The following MCM10 variants were observed in gnomAD, a reference collection of about 807,000 sequenced individuals.
MCM10 encodes protein MCM10 homolog.
A neutral mutation model predicts 109.9 loss-of-function variants in MCM10; 91 were observed. That is an observed-to-expected ratio of 0.83 (90% confidence interval 0.70 to 0.99). The LOEUF is 0.99. Ranked by LOEUF, MCM10 falls within the 50% of genes least tolerant of loss-of-function variation. The pLI is 0.00. For missense variants in MCM10, 1,077 were observed against 1,061.2 expected, an observed-to-expected ratio of 1.01 and a Z score of -0.21; for synonymous variants, 380 against 387.2, an observed-to-expected ratio of 0.98 and a Z score of 0.22.
chr10:13,184,564 T>G (rs1162448944), intron 8 of MCM10, among the ~76,000 whole-genome samples: 1 of 152,196 alleles, frequency 6.6e-6, no homozygotes, highest in Non-Finnish European at 1.5e-5. Flanking sequence ...TCAAGAGAAG[T>G]GAGAAAAATG....
In MCM10 at chr10:13,195,013, G is replaced by T. The variant is rs1430770797; in HGVS notation, c.1746-28G>T. The T allele has an allele frequency of 3.1e-6, 5 of 1,590,122 alleles. No homozygotes were observed. In the East Asian group the frequency reaches 1.1e-4, roughly 36 times the overall value. ...GTTTTTATTTTCGTAAACCCTGTTT[G>T]CGTATTTTGACTGTATGTTCTTTAA... On this transcript the variant is annotated intron_variant, in intron 13 of 19. Coordinates refer to ENST00000378714, the MANE Select transcript of MCM10 (RefSeq NM_018518.5).
chr10:13,175,740 A>G (rs530751100), intron 6 of MCM10, 59 bp downstream of exon 6: 15 of 1,225,456 alleles, frequency 1.2e-5, no homozygotes, highest in South Asian at 7.2e-5. Context: ...TGCCTCTCGG[A>G]GTCCTTTAGA....
intron 1 of MCM10, among the ~76,000 whole-genome samples, chr10:13,163,838 A>G (rs1564378181): frequency 6.6e-6 from 1 of 152,088 alleles, no homozygotes; most frequent in African/African-American, 2.4e-5. Context: ...AGCCAACCCC[A>G]ATAGTTCTTC....
Position 13,172,270 on chromosome 10 carries a change from A to G in MCM10, c.350-106A>G, listed in dbSNP as rs1834083952. The G allele has an allele frequency of 1.3e-6, 1 of 747,678 alleles. No individual in the cohort carries two copies. The highest frequency in any genetic ancestry group is 2.2e-5 in the Admixed American group (1 of 46,242). The allele number at this position is 747,678 out of a possible 1,614,324, so 46.3% of individuals were successfully genotyped here. ...GGTATGTGATTATATTGTGGGTCTC[A>G]AGGTATTGGGGCAGGGAGTGGACAA... On this transcript the variant is annotated intron_variant, in intron 3 of 19. Coordinates refer to ENST00000378714, the MANE Select transcript of MCM10 (RefSeq NM_018518.5). The surrounding 1 kb of genome is among the most constrained non-coding windows in gnomAD (Gnocchi z 5.2).
At chr10:13,202,778 C>T (rs1223028435) in intron 17 of MCM10, among the ~76,000 whole-genome samples, 1 of 152,148 alleles carries the variant, frequency 6.6e-6, no homozygotes, top group East Asian at 1.9e-4. Flanking sequence ...CTCCTGTTGC[C>T]ACCGTAACAA....
At chr10:13,201,612 G>A (rs2131587604) in intron 17 of MCM10, 78 bp downstream of exon 17, 2 of 1,059,522 alleles carry the variant, frequency 1.9e-6, no homozygotes, top group Admixed American at 2.0e-5. Context: ...TGGAGAACCT[G>A]TGGGATCTGG....
chr10:13,174,134 A>AT (rs139116646), intron 5 of MCM10, among the ~76,000 whole-genome samples: 6,335 of 75,186 alleles, frequency 0.084, 621 homozygotes, highest in Middle Eastern at 0.2. Context: ...CTAGTTTTGG[A>AT]TTTTTTTTTT....
rs1039462263 is a variant in MCM10, at chr10:13,185,095, C to T, written c.1099-1069C>T. Among the ~76,000 whole-genome samples, 5 of 152,234 alleles carry T rather than the reference C, an allele frequency of 3.3e-5. No homozygotes were observed. In the South Asian group the frequency reaches 6.2e-4, roughly 19 times the overall value. ...AAATTGGGCAAAGCACCTTAGGCAG[C>T]GAGACTCCACAGAAGCCTAGGATCT... is the stretch of plus-strand genomic sequence containing the variant. On this transcript the variant is annotated intron_variant, in intron 8 of 19. Coordinates refer to ENST00000378714, the MANE Select transcript of MCM10 (RefSeq NM_018518.5).
intron 2 of MCM10, among the ~76,000 whole-genome samples, chr10:13,169,601 A>G (rs937972415): frequency 1.3e-5 from 2 of 152,244 alleles, no homozygotes; most frequent in African/African-American, 4.8e-5. Context: ...AAAATTAGAA[A>G]TAGCCCATAT....
chr10:13,164,719 T>C (rs1023490251), intron 2 of MCM10, among the ~76,000 whole-genome samples: 1 of 152,162 alleles, frequency 6.6e-6, no homozygotes, highest in East Asian at 1.9e-4. Context: ...GTGTACAAAA[T>C]GTTTACCTAG....
chr10:13,163,533 G>C (rs1833955272), intron 1 of MCM10, among the ~76,000 whole-genome samples: 2 of 152,198 alleles, frequency 1.3e-5, no homozygotes, highest in African/African-American at 4.8e-5. Flanking sequence ...GTTTCTCTGT[G>C]CTTTGCTGAC....
rs1341462612 is a variant in MCM10 at position 13,192,237 on chromosome 10, G to A, written c.1517-18G>A. On this transcript the variant is annotated intron_variant, in intron 11 of 19. Transcript: ENST00000378714. The stretch of plus-strand genomic sequence containing the variant: ...ATCTGAATGTGAATCCTCTAAAGCT[G>A]GTGTTGACCTGGCACAGGAATACCC... 13 of 1,537,464 alleles carry A rather than the reference G, an allele frequency of 8.5e-6. No individual in the cohort carries two copies. Among genetic ancestry groups the A allele is most frequent in the Admixed American group, 1.7e-5 (1 of 59,408 alleles).
intron 8 of MCM10, among the ~76,000 whole-genome samples, chr10:13,185,069 C>G (rs542203389): frequency 1.3e-5 from 2 of 152,282 alleles, no homozygotes; most frequent in East Asian, 3.9e-4. Context: ...AAAGCACACA[C>G]AAATTGGGCA....
intron 6 of MCM10, among the ~76,000 whole-genome samples, chr10:13,177,278 G>C (rs1448060703): frequency 1.3e-5 from 2 of 152,174 alleles, no homozygotes; most frequent in Non-Finnish European, 2.9e-5. Flanking sequence ...GTGAACCTCA[G>C]GCCTTAAAAA....
chr10:13,180,251 TAA>T (rs60239568), intron 6 of MCM10, among the ~76,000 whole-genome samples, 189 bp from the exon 7 acceptor site: 18 of 142,900 alleles, frequency 1.3e-4, no homozygotes, highest in Admixed American at 2.1e-4. Flanking sequence ...ACTCCATCTT[TAA>T]AAAAAAAAAA....
At chr10:13,167,283 C>T (rs1834013923) in intron 2 of MCM10, among the ~76,000 whole-genome samples, 1 of 152,014 alleles carries the variant, frequency 6.6e-6, no homozygotes. Context: ...GCATTAGGGG[C>T]AGGGGGTGAT....
At chr10:13,201,293 T>A (rs1297068833) in intron 16 of MCM10, 128 bp from the exon 17 acceptor site, 6 of 662,028 alleles carry the variant, frequency 9.1e-6, no homozygotes, top group Middle Eastern at 2.8e-4. Flanking sequence ...AGCCTGCCTC[T>A]TCCATTCTGT....
Position 13,192,256 on chromosome 10 carries a change from A to T in MCM10, c.1518A>T (p.Gly506=). Residue 506 remains glycine (G), a splice_region_variant and synonymous_variant, in exon 12 of 20, where the codon GGA becomes GGT. Coordinates refer to ENST00000378714, the MANE Select transcript of MCM10 (RefSeq NM_018518.5). ...AAAGCTGGTGTTGACCTGGCACAGG[A>T]ATACCCCAGAAGAGCCTGTCTTGCT... ...LIIQETRQKL[G]IPQKSLSCSE... is the part of the protein sequence containing the mutation. The T allele has an allele frequency of 1.2e-6, 2 of 1,608,690 alleles. No homozygotes were observed. The highest frequency in any genetic ancestry group is 1.7e-6 in the Non-Finnish European group (2 of 1,175,204).
chr10:13,196,332 C>T (rs1050617411), intron 14 of MCM10, among the ~76,000 whole-genome samples: 3 of 152,116 alleles, frequency 2.0e-5, no homozygotes, highest in Admixed American at 6.5e-5. Context: ...GTGCCCCAAT[C>T]GAGCCTCTCT....
Sources: gnomAD v4.1 joint callset for allele counts (sites outside exome capture counted in the v4.1 genomes callset) on GRCh38, gnomAD v4.1.1 for gene constraint, Gnocchi (gnomAD v3.1) non-coding constraint, MANE v1.5 for transcripts, NCBI Gene and HGNC (gene_info 2026-07-23, HGNC 2026-07-21) for gene names.